NEDD4L: variants seen among roughly 807,000 people sequenced by gnomAD.
NEDD4L encodes NEDD4 like E3 ubiquitin protein ligase, also known as E3 ubiquitin-protein ligase NEDD4-like.
In NEDD4L, 54 loss-of-function variants were observed where a neutral mutation model predicts 148.9. The observed-to-expected ratio is 0.36, with a 90% confidence interval of 0.29 to 0.45. NEDD4L has a LOEUF of 0.45. NEDD4L is among the 20% of genes least tolerant of loss of function. NEDD4L has a pLI of 1.00. For synonymous variants in NEDD4L, 433 were observed against 440.7 expected, an observed-to-expected ratio of 0.98 and a Z score of 0.22; for missense variants, 856 against 1,233.8, an observed-to-expected ratio of 0.69 and a Z score of 4.59.
chr18:58,272,115 G>C (rs2051133096), intron 5 of NEDD4L, among the ~76,000 whole-genome samples: 1 of 152,166 alleles, frequency 6.6e-6, no homozygotes, highest in African/African-American at 2.4e-5. Context: ...ATACTTTTAA[G>C]ATAGTGAAAG....
intron 1 of NEDD4L, among the ~76,000 whole-genome samples, chr18:58,068,769 G>C (rs1487282836): frequency 1.3e-5 from 2 of 152,194 alleles, no homozygotes; most frequent in Non-Finnish European, 2.9e-5. Flanking sequence ...GCTCAGCCTT[G>C]ATCCTGAGTG....
chr18:58,341,163 C>G lies in NEDD4L; in HGVS notation c.1251C>G (p.Ile417Met). 1 of 1,612,558 alleles carries G rather than the reference C, an allele frequency of 6.2e-7. No individual in the cohort carries two copies. The highest frequency in any genetic ancestry group is 2.2e-5 in the East Asian group (1 of 44,842). Residue 417 changes from isoleucine to methionine, a missense_variant, in exon 14 of 31, where the codon ATC becomes ATG. By Grantham distance (10) the Ile-to-Met change is conservative. This residue lies in a region of NEDD4L where 367 missense variants were observed against 422.7 expected (regional missense o/e 0.87). Coordinates refer to ENST00000400345, the MANE Select transcript of NEDD4L (RefSeq NM_001144967.3). Reference sequence around the variant, plus strand: ...GAACCACAACTTGGACTCGACCTATCATGCAGGTACGAAGATTGCCATCCA... The same window carrying G: ...GAACCACAACTTGGACTCGACCTATGATGCAGGTACGAAGATTGCCATCCA... ...NNRTTTWTRP[I>M]MQLAEDGASG...
At chr18:58,305,349 A>C (rs1316369754) in intron 5 of NEDD4L, among the ~76,000 whole-genome samples, 1 of 152,222 alleles carries the variant, frequency 6.6e-6, no homozygotes, top group African/African-American at 2.4e-5. Context: ...AATAAGATAG[A>C]GGGCTTTTAA....
At chr18:58,127,884 T>C (rs2031420054) in intron 1 of NEDD4L, among the ~76,000 whole-genome samples, 2 of 151,814 alleles carry the variant, frequency 1.3e-5, no homozygotes, top group Non-Finnish European at 2.9e-5. Flanking sequence ...TTATTTATTA[T>C]TTATTTTTTT....
At chr18:58,186,100 T>G (rs2039456200) in intron 2 of NEDD4L, among the ~76,000 whole-genome samples, 1 of 140,446 alleles carries the variant, frequency 7.1e-6, no homozygotes, top group Non-Finnish European at 1.5e-5. Context: ...AGGATACGTA[T>G]GCACACGGGA....
chr18:58,155,479 G>C, intron 1 of NEDD4L, among the ~76,000 whole-genome samples: 1 of 152,176 alleles, frequency 6.6e-6, no homozygotes, highest in East Asian at 1.9e-4. Context: ...GCGTTTTTTA[G>C]TCGTTTATCT....
chr18:58,165,640 G>T, intron 1 of NEDD4L, 148 bp from the exon 2 acceptor site: 1 of 1,521,704 alleles, frequency 6.6e-7, no homozygotes, highest in South Asian at 1.2e-5. Context: ...TTGAACTTCA[G>T]TGTAAGGAAG....
chr18:58,050,382 A>G (rs1464079766), intron 1 of NEDD4L, among the ~76,000 whole-genome samples: 1 of 152,184 alleles, frequency 6.6e-6, no homozygotes, highest in Admixed American at 6.5e-5. Context: ...AGGCAGGAGA[A>G]TAGCTTGAAC....
At chr18:58,068,285 C>T (rs938802469) in intron 1 of NEDD4L, among the ~76,000 whole-genome samples, 7 of 151,670 alleles carry the variant, frequency 4.6e-5, no homozygotes, top group Admixed American at 2.0e-4. Flanking sequence ...TTGCAAACTC[C>T]GCCTCCCAGG....
chr18:58,381,589 C>T (rs1285019603), intron 24 of NEDD4L, among the ~76,000 whole-genome samples: 4 of 152,246 alleles, frequency 2.6e-5, no homozygotes, highest in Middle Eastern at 3.4e-3. Context: ...CGAGCTGTAC[C>T]GAAAGCCTTC....
intron 1 of NEDD4L, among the ~76,000 whole-genome samples, chr18:58,051,269 GCAAA>G (rs1296202754): frequency 2.0e-5 from 3 of 152,098 alleles, no homozygotes; most frequent in Non-Finnish European, 2.9e-5. Context: ...GAAAACAAAG[GCAAA>G]CAAACAAAGA....
At chr18:58,179,714 G>A (rs542875020) in intron 2 of NEDD4L, among the ~76,000 whole-genome samples, 7 of 151,694 alleles carry the variant, frequency 4.6e-5, no homozygotes, top group Non-Finnish European at 1.0e-4. Context: ...AGAATCTAAC[G>A]CCTGATGATC....
Position 58,373,267 on chromosome 18 carries a change from C to G in NEDD4L, c.2350C>G (p.Gln784Glu). The change falls in exon 24 of 31, where the codon CAG becomes GAG. Residue 784 changes from glutamine (Q) to glutamate (E), a missense_variant and splice_region_variant. Gln to Glu is a conservative substitution (Grantham distance 29). This residue lies in a region of NEDD4L where 286 missense variants were observed against 531.8 expected (regional missense o/e 0.54). Coordinates refer to ENST00000400345, the MANE Select transcript of NEDD4L (RefSeq NM_001144967.3). The part of the protein sequence containing the change: ...MFCIDEENFG[Q>E]TYQVDLKPNG... ...CTGCATAGACGAAGAAAACTTTGGA[C>G]AGGTACATGTGGGTAACCCTGGGAA... 6.4e-7 allele frequency: 1 copy of G among 1,559,110 alleles called. No individual in the cohort carries two copies. The highest frequency in any genetic ancestry group is 8.7e-7 in the Non-Finnish European group (1 of 1,143,126).
At chr18:58,278,183 T>TA (rs550554519) in intron 5 of NEDD4L, among the ~76,000 whole-genome samples, 30 of 152,232 alleles carry the variant, frequency 2.0e-4, no homozygotes, top group Non-Finnish European at 3.5e-4. Context: ...GAAATTCAGA[T>TA]AGGCTTTCTC....
chr18:58,100,631 A>G (rs1349205339), intron 1 of NEDD4L, among the ~76,000 whole-genome samples: 3 of 152,200 alleles, frequency 2.0e-5, no homozygotes, highest in Non-Finnish European at 4.4e-5. Context: ...TGACTTGTTC[A>G]TAAACCAGGC....
intron 1 of NEDD4L, among the ~76,000 whole-genome samples, chr18:58,153,742 G>T (rs2035095886): frequency 6.6e-6 from 1 of 152,104 alleles, no homozygotes; most frequent in Admixed American, 6.5e-5. Flanking sequence ...TGCCTCATGG[G>T]TTCACGCTGT....
chr18:58,195,508 G>T, intron 2 of NEDD4L: 1 of 1,345,090 alleles, frequency 7.4e-7, no homozygotes, highest in African/African-American at 1.5e-5. Context: ...GGGTGGCTGC[G>T]CAGGGCCCTA....
At chr18:58,188,550 C>T (rs544676003) in intron 2 of NEDD4L, among the ~76,000 whole-genome samples, 22 of 152,374 alleles carry the variant, frequency 1.4e-4, no homozygotes, top group African/African-American at 5.0e-4. Context: ...TAATTCTGTC[C>T]TGGCCTGTAT....
At chr18:58,341,537 A>C in intron 14 of NEDD4L, 141 bp from the exon 15 acceptor site, 1 of 844,616 alleles carries the variant, frequency 1.2e-6, no homozygotes, top group Middle Eastern at 2.7e-4. Flanking sequence ...CCCCATCATT[A>C]TGTTTAATTA....
Sources: allele counts gnomAD v4.1 joint callset (sites outside exome capture counted in the v4.1 genomes callset), GRCh38; gene constraint gnomAD v4.1.1; regional missense constraint gnomAD v4.1.1; transcripts MANE v1.5; gene names NCBI Gene and HGNC (gene_info 2026-07-23, HGNC 2026-07-21).